The following CSGALNACT1 variants were observed in gnomAD, a reference collection of about 807,000 sequenced individuals.
The protein encoded by CSGALNACT1 is beta4GalNAcT-1.
Under a neutral mutation model 51.0 loss-of-function variants are expected in CSGALNACT1, and 52 were observed. The observed-to-expected ratio is 1.02, with a 90% CI of 0.82 to 1.29. The LOEUF (loss-of-function observed/expected upper bound fraction) is 1.29, where lower values mean the gene tolerates loss of function less well. Ranked by LOEUF, CSGALNACT1 falls within the 50% of genes most tolerant of loss-of-function variation. CSGALNACT1 has a pLI of 0.00. For synonymous variants in CSGALNACT1, 341 were observed against 254.4 expected, an observed-to-expected ratio of 1.34 and a Z score of -3.24; for missense variants, 935 against 679.2, an observed-to-expected ratio of 1.38 and a Z score of -4.19.
intron 6 of CSGALNACT1, among the ~76,000 whole-genome samples, chr8:19,439,065 C>T (rs897725748): frequency 5.3e-5 from 8 of 152,140 alleles, no homozygotes; most frequent in East Asian, 1.9e-4. Flanking sequence ...ACTCAAATTG[C>T]CCCCCTGCAA....
At chr8:19,606,829 A>G (rs2051440258), upstream of CSGALNACT1, among the ~76,000 whole-genome samples, 1 of 152,278 alleles carries the variant, frequency 6.6e-6, no homozygotes. Context: ...GCCTTAAAGG[A>G]TACCCAATAT....
intron 6 of CSGALNACT1, among the ~76,000 whole-genome samples, chr8:19,423,894 G>C (rs1030794819): frequency 7.9e-5 from 12 of 152,214 alleles, no homozygotes; most frequent in Non-Finnish European, 1.3e-4. Context: ...TGCACAGAAA[G>C]CCCTGGGAAG....
At chr8:19,443,040 T>A (rs2061572111) in intron 5 of CSGALNACT1, among the ~76,000 whole-genome samples, 1 of 152,168 alleles carries the variant, frequency 6.6e-6, no homozygotes. Flanking sequence ...GAGCACCTCA[T>A]GCTCCAGCTT....
At chr8:19,675,273 T>C (rs1437581609) in intron 1 of CSGALNACT1, among the ~76,000 whole-genome samples, 1 of 152,178 alleles carries the variant, frequency 6.6e-6, no homozygotes, top group African/African-American at 2.4e-5. Context: ...GAGTCAAATG[T>C]TGGCAAAGTA....
At chr8:19,450,010 C>T (rs912881297) in intron 5 of CSGALNACT1, among the ~76,000 whole-genome samples, 2 of 129,568 alleles carry the variant, frequency 1.5e-5, no homozygotes, top group South Asian at 2.5e-4. Context: ...ACAAAGCAGC[C>T]GAAAACCAAA....
intron 1 of CSGALNACT1, among the ~76,000 whole-genome samples, chr8:19,627,462 C>T (rs1051693123): frequency 2.0e-5 from 3 of 152,126 alleles, no homozygotes; most frequent in Non-Finnish European, 2.9e-5. Context: ...CCTACTCTGG[C>T]AGTAGTTACA....
intron 1 of CSGALNACT1, among the ~76,000 whole-genome samples, chr8:19,690,126 CT>C (rs943168886): frequency 6.6e-6 from 1 of 152,272 alleles, no homozygotes; most frequent in African/African-American, 2.4e-5. Flanking sequence ...CTGGATAAAA[CT>C]TTTTTGGAAA....
chr8:19,633,491 A>G (rs2055581038), intron 1 of CSGALNACT1, among the ~76,000 whole-genome samples: 1 of 152,212 alleles, frequency 6.6e-6, no homozygotes, highest in South Asian at 2.1e-4. Context: ...ACAAGGTTAT[A>G]CTGAGATAGG....
chr8:19,499,192 G>A (rs1435230059), intron 4 of CSGALNACT1, among the ~76,000 whole-genome samples: 1 of 152,166 alleles, frequency 6.6e-6, no homozygotes. Flanking sequence ...ATATCTTCTA[G>A]GAAGCCTGTC....
At chr8:19,592,448 T>C (rs746043421) in intron 2 of CSGALNACT1, among the ~76,000 whole-genome samples, 2 of 152,140 alleles carry the variant, frequency 1.3e-5, no homozygotes, top group African/African-American at 2.4e-5. Flanking sequence ...AAGAGACAAA[T>C]AGCATGGATA....
intron 6 of CSGALNACT1, among the ~76,000 whole-genome samples, chr8:19,428,676 C>T (rs1189378236): frequency 6.6e-6 from 1 of 152,086 alleles, no homozygotes; most frequent in African/African-American, 2.4e-5. Context: ...TCATTAAGTA[C>T]GATGCTTCTT....
At chr8:19,556,380 A>G (rs1472571184) in intron 3 of CSGALNACT1, among the ~76,000 whole-genome samples, 2 of 129,478 alleles carry the variant, frequency 1.5e-5, no homozygotes, top group Admixed American at 7.2e-5. Flanking sequence ...TCCATCTCTC[A>G]AAAGAAAAAA....
intron 3 of CSGALNACT1, among the ~76,000 whole-genome samples, chr8:19,513,296 A>G (rs539680252): frequency 6.6e-6 from 1 of 151,836 alleles, no homozygotes; most frequent in Non-Finnish European, 1.5e-5. Context: ...CTTAAGATCA[A>G]AGGAAAATAC....
intron 3 of CSGALNACT1, among the ~76,000 whole-genome samples, chr8:19,590,394 T>C (rs1167251000): frequency 3.9e-5 from 6 of 152,212 alleles, no homozygotes; most frequent in African/African-American, 1.4e-4. Context: ...GGCGATATCT[T>C]ATCTTTGCAC....
At chr8:19,742,739 T>A (rs1353885893) in intron 1 of CSGALNACT1, among the ~76,000 whole-genome samples, 2 of 152,224 alleles carry the variant, frequency 1.3e-5, no homozygotes, top group Non-Finnish European at 2.9e-5. Flanking sequence ...TCCTTCAACA[T>A]CTTTCTAACC....
At chr8:19,670,650 C>CAAAAAAAAAAAAAAAAAAAAA (rs752256046) in intron 1 of CSGALNACT1, among the ~76,000 whole-genome samples, 3 of 92,848 alleles carry the variant, frequency 3.2e-5, no homozygotes, top group Admixed American at 1.5e-4. Flanking sequence ...CTACTGAAGA[C>CAAAAAAAAAAAAAAAAAAAAA]AAAAAAAAAA....
At chr8:19,467,987 T>C (rs1290785163) in intron 4 of CSGALNACT1, among the ~76,000 whole-genome samples, 4 of 152,136 alleles carry the variant, frequency 2.6e-5, no homozygotes, top group African/African-American at 9.7e-5. Flanking sequence ...CCCTGTCTCA[T>C]AAAATAAAAA....
At chr8:19,560,617 AAGGAATCAACCTTACG>A (rs2040491833) in intron 3 of CSGALNACT1, among the ~76,000 whole-genome samples, 1 of 152,192 alleles carries the variant, frequency 6.6e-6, no homozygotes, top group Non-Finnish European at 1.5e-5. Context: ...AAACAGGAAA[AAGGAATCAACCTTACG>A]AGCAAACAGA....
chr8:19,562,873 T>C (rs578147994), intron 3 of CSGALNACT1, among the ~76,000 whole-genome samples: 1 of 152,348 alleles, frequency 6.6e-6, no homozygotes, highest in South Asian at 2.1e-4. Context: ...AGTGTGATGA[T>C]TCCTCAAAGA....
Sources: allele counts gnomAD v4.1 joint callset (sites outside exome capture counted in the v4.1 genomes callset), GRCh38; gene constraint gnomAD v4.1.1; transcripts MANE v1.5; gene names NCBI Gene and HGNC (gene_info 2026-07-23, HGNC 2026-07-21).